BLOC1S3: variants seen among roughly 807,000 people sequenced by gnomAD.
BLOC1S3 encodes the protein biogenesis of lysosome-related organelles complex 1 subunit 3.
A neutral mutation model predicts 9.1 loss-of-function variants in BLOC1S3; 7 were observed. The observed-to-expected ratio is 0.77, with a 90% CI of 0.44 to 1.45. The LOEUF (loss-of-function observed/expected upper bound fraction) is 1.45. Ranked by LOEUF, BLOC1S3 falls within the 40% of genes most tolerant of loss-of-function variation. The probability of loss-of-function intolerance (pLI) is 0.01; values close to 1 mark genes in which losing one functional copy is unlikely to be tolerated. For synonymous variants in BLOC1S3, 145 were observed against 158.4 expected (o/e 0.92, Z 0.64); for missense variants, 307 against 315.2 (o/e 0.97, Z 0.20).
At chr19:45,210,488 G>T (rs1466369443) in intron 3 of BLOC1S3, among the ~76,000 whole-genome samples, 1 of 151,278 alleles carries the variant, frequency 6.6e-6, no homozygotes, top group Non-Finnish European at 1.5e-5. Flanking sequence ...TAGTAGAGAT[G>T]TGGTTTCTCC....
Position 45,181,380 on chromosome 19 carries a change from C to T in BLOC1S3, c.*1475C>T, listed in dbSNP as rs571038530. The T allele has an allele frequency of 1.2e-5, 2 of 167,302 alleles. No individual in the cohort carries two copies. The highest frequency in any genetic ancestry group is 2.1e-4 in the South Asian group (1 of 4,834). The allele number at this position is 167,302 out of a possible 1,614,324, so 10.4% of individuals were successfully genotyped here. A position where few individuals can be genotyped will look rare whatever the true frequency, so the allele number is the denominator to read the frequency against. ...CCTCCAGGCCAAGATGATGCTCGCTCTCAACTCTGTAGGCCAAGGTGGCGT... is the reference window on the plus strand; with the variant it reads ...CCTCCAGGCCAAGATGATGCTCGCTTTCAACTCTGTAGGCCAAGGTGGCGT... On this transcript the variant is annotated 3_prime_UTR_variant, in exon 2 of 2. Coordinates refer to ENST00000433642, the MANE Select transcript of BLOC1S3 (RefSeq NM_212550.5).
chr19:45,201,182 G>A (rs891331821), intron 2 of BLOC1S3, among the ~76,000 whole-genome samples: 4 of 146,652 alleles, frequency 2.7e-5, no homozygotes, highest in African/African-American at 7.6e-5. Context: ...CAGCCTGGGC[G>A]ACAGAGTAAG....
intron 2 of BLOC1S3, among the ~76,000 whole-genome samples, chr19:45,197,258 G>A (rs113856282): frequency 0.037 from 5,680 of 152,066 alleles, 340 homozygotes; most frequent in African/African-American, 0.13. Context: ...GACCAAGGTG[G>A]GAAGATTTGC....
intron 3 of BLOC1S3, chr19:45,216,324 C>G (rs922197219): frequency 3.8e-6 from 5 of 1,326,298 alleles, no homozygotes; most frequent in Non-Finnish European, 5.0e-6. Context: ...GCCTGTAATC[C>G]CAGCACTTTG....
At chr19:45,207,477 C>CT (rs920635125) in intron 3 of BLOC1S3, among the ~76,000 whole-genome samples, 10 of 138,880 alleles carry the variant, frequency 7.2e-5, no homozygotes, top group Non-Finnish European at 1.5e-4. Context: ...TAGTCCACAT[C>CT]TTTAACTTCT....
intron 2 of BLOC1S3, among the ~76,000 whole-genome samples, chr19:45,196,516 A>G (rs1178662997): frequency 6.6e-6 from 1 of 152,170 alleles, no homozygotes; most frequent in Non-Finnish European, 1.5e-5. Flanking sequence ...CTAGGGGAAT[A>G]TTCCTGAGGG....
In BLOC1S3 at chr19:45,179,484, C is replaced by T. The variant is rs1193377293; in HGVS notation, c.188C>T (p.Thr63Ile). ...CGGGTGGCTGGGGAAGCCGCGGAGA[C>T]CGACTCGGAGCCGGAGCCGGAGCCG... ...GLRVAGEAAE[T>I]DSEPEPEPEP... The change falls in exon 2 of 2, where the codon ACC becomes ATC. Residue 63 changes from threonine to isoleucine, a missense_variant. Physicochemically the swap from Thr to Ile is moderately conservative, Grantham distance 89. Coordinates refer to ENST00000433642, the MANE Select transcript of BLOC1S3 (RefSeq NM_212550.5). The surrounding 1 kb of genome is among the most constrained non-coding windows in gnomAD (Gnocchi z 4.6). 6.6e-7 allele frequency: 1 copy of T among 1,523,820 alleles called. No homozygotes were observed. Among genetic ancestry groups the T allele is most frequent in the South Asian group, 1.2e-5 (1 of 82,754 alleles). The allele number at this position is 1,523,820 out of a possible 1,614,324, so 94.4% of individuals were successfully genotyped here.
At chr19:45,205,093 A>T (rs1165707973) in intron 3 of BLOC1S3, among the ~76,000 whole-genome samples, 1 of 152,130 alleles carries the variant, frequency 6.6e-6, no homozygotes, top group Non-Finnish European at 1.5e-5. Context: ...AATTATGTAA[A>T]CATCCAATTA....
rs556007130 is a variant in BLOC1S3 at position 45,193,688 on chromosome 19, G to C, written n.180+5948G>C. 2.0e-5 allele frequency among the ~76,000 whole-genome samples: 3 copies of C among 150,704 alleles called. No individual in the cohort carries two copies. In the East Asian group the frequency reaches 5.9e-4, roughly 30 times the overall value. ...CCTTGGAGATTGCTGGGTTTTGCTT[G>C]TCAAGGGCTAGAGCCATCTGTTTGA... On this transcript the variant is annotated intron_variant and non_coding_transcript_variant, in intron 2 of 3. Coordinates refer to the BLOC1S3 transcript ENST00000591569.
At chr19:45,211,289 G>T (rs1466737290) in intron 3 of BLOC1S3, among the ~76,000 whole-genome samples, 1 of 152,036 alleles carries the variant, frequency 6.6e-6, no homozygotes, top group Non-Finnish European at 1.5e-5. Flanking sequence ...TTGAGGTCAG[G>T]AGTTGGAGAC....
At chr19:45,190,706 A>T (rs1428455743) in intron 2 of BLOC1S3, among the ~76,000 whole-genome samples, 1 of 151,230 alleles carries the variant, frequency 6.6e-6, no homozygotes, top group Non-Finnish European at 1.5e-5. Context: ...CCAACCCCAG[A>T]ACAGCTAATC....
intron 3 of BLOC1S3, among the ~76,000 whole-genome samples, chr19:45,203,055 C>T (rs759258804): frequency 1.3e-4 from 20 of 151,694 alleles, no homozygotes; most frequent in Non-Finnish European, 2.6e-4. Flanking sequence ...TTTTCGTCTC[C>T]TCTTCTCAAG....
At chr19:45,197,859 AG>A (rs1969661215) in intron 2 of BLOC1S3, among the ~76,000 whole-genome samples, 1 of 147,040 alleles carries the variant, frequency 6.8e-6, no homozygotes, top group Non-Finnish European at 1.5e-5. Flanking sequence ...AGATCTAGAA[AG>A]GAGAGTTAGG....
chr19:45,195,563 C>T (rs1316880686), intron 2 of BLOC1S3, among the ~76,000 whole-genome samples: 1 of 121,250 alleles, frequency 8.2e-6, no homozygotes, highest in Middle Eastern at 3.9e-3. Flanking sequence ...CCCTCCTTCC[C>T]TCCCTCCCTC....
At chr19:45,182,005 C>G (rs1969527150), downstream of BLOC1S3, among the ~76,000 whole-genome samples, 1 of 152,158 alleles carries the variant, frequency 6.6e-6, no homozygotes, top group African/African-American at 2.4e-5. Context: ...GGTACCTGAC[C>G]TGTGCTGCGG....
At chr19:45,215,566 G>T (rs557562819) in intron 3 of BLOC1S3, among the ~76,000 whole-genome samples, 1 of 150,258 alleles carries the variant, frequency 6.7e-6, no homozygotes, top group South Asian at 2.1e-4. Flanking sequence ...TATAGTCATG[G>T]ATGATGATGA....
At chr19:45,211,267 C>T (rs346739) in intron 3 of BLOC1S3, among the ~76,000 whole-genome samples, 112,303 of 152,016 alleles carry the variant, frequency 0.74, 42,998 homozygotes, top group African/African-American at 0.93. Context: ...GAGGCTGAGG[C>T]GGGTAGATCA....
Position 45,213,332 on chromosome 19 carries a change from C to G in BLOC1S3, n.283-3344C>G, listed in dbSNP as rs756258972. The G allele has an allele frequency of 6.2e-7, 1 of 1,613,314 alleles. No individual in the cohort carries two copies. The highest frequency in any genetic ancestry group is 1.3e-5 in the African/African-American group (1 of 74,860). On this transcript the variant is annotated intron_variant and non_coding_transcript_variant, in intron 3 of 3. Coordinates refer to the BLOC1S3 transcript ENST00000591569. ...GCTGTGTTGCGCAGGCCACGGATGT[C>G]GAGGAGGGCTGCCACGTGCTTCTGC...
At chr19:45,216,001 G>A in intron 3 of BLOC1S3, 1 of 1,589,986 alleles carries the variant, frequency 6.3e-7, no homozygotes, top group Non-Finnish European at 8.6e-7. Flanking sequence ...AGGAAGCACA[G>A]GGACGGATGC....
Sources: allele counts gnomAD v4.1 joint callset (sites outside exome capture counted in the v4.1 genomes callset), GRCh38; gene constraint gnomAD v4.1.1; non-coding constraint Gnocchi (gnomAD v3.1); transcripts MANE v1.5; gene names NCBI Gene and HGNC (gene_info 2026-07-23, HGNC 2026-07-21).